FGL1: variants seen among roughly 807,000 people sequenced by gnomAD.
The protein encoded by FGL1 is fibrinogen-like protein 1.
FGL1 carries 59 observed loss-of-function variants against 43.7 expected under a neutral mutation model. That is an observed-to-expected ratio of 1.35 (90% confidence interval 1.10 to 1.68). The LOEUF is 1.68. Among genes scored for constraint, FGL1 ranks in the 40% most tolerant of loss-of-function variants. FGL1 has a pLI of 0.00. For synonymous variants in FGL1, 192 were observed against 126.5 expected (o/e 1.52, Z -3.48); for missense variants, 596 against 373.0 (o/e 1.60, Z -4.92).
chr8:17,871,381 C>A (rs2053357433), intron 5 of FGL1, among the ~76,000 whole-genome samples: 2 of 151,396 alleles, frequency 1.3e-5, no homozygotes, highest in African/African-American at 2.4e-5. Flanking sequence ...ATAATCCCAG[C>A]TACTCAGGAG....
At chr8:17,883,810 T>TTC (rs1360817495) in intron 2 of FGL1, among the ~76,000 whole-genome samples, 5,588 of 143,016 alleles carry the variant, frequency 0.039, 397 homozygotes, top group African/African-American at 0.14. Context: ...CCTTCCCCTT[T>TTC]CCCTTCCTCT....
In FGL1 at chr8:17,874,078, A is replaced by G; in HGVS notation, c.443T>C (p.Val148Ala). The change falls in exon 5 of 8, where the codon GTC (valine) becomes GCC (alanine). Residue 148 changes from valine (V) to alanine (A), a missense_variant. Val to Ala is a moderately conservative substitution (Grantham distance 64). Transcript: ENST00000427924. ...CAGCCAATATTCACCATGTTTTTGG[A>G]CAAAATTTCCAAAGCCATTTTCATA... ...KDYENGFGNF[V>A]QKHGEYWLGN... 6.2e-7 allele frequency: 1 copy of G among 1,611,684 alleles called. No homozygotes were observed. Among genetic ancestry groups the G allele is most frequent in the South Asian group, 1.1e-5 (1 of 90,452 alleles).
chr8:17,875,499 C>CTTTCT (rs1554564364), intron 3 of FGL1, among the ~76,000 whole-genome samples: 1 of 7,050 alleles, frequency 1.4e-4, no homozygotes, highest in Non-Finnish European at 6.1e-4. Context: ...TTCTTTCTTT[C>CTTTCT]TTTCTTTCTT....
At chr8:17,869,951 A>G (rs1446535159) in intron 5 of FGL1, among the ~76,000 whole-genome samples, 1 of 152,122 alleles carries the variant, frequency 6.6e-6, no homozygotes, top group African/African-American at 2.4e-5. Context: ...CTACTAAAAA[A>G]TACAAAAAAT....
chr8:17,891,806 C>G (rs1229926088), intron 1 of FGL1: 1 of 984,066 alleles, frequency 1.0e-6, no homozygotes, highest in East Asian at 1.1e-4. Context: ...TCCATCTTCA[C>G]CCTTCCAGCA....
rs200222496 is a variant in FGL1, at chr8:17,894,052, T to TA, written c.-18+1394dup. On this transcript the variant is annotated intron_variant, in intron 1 of 7. Coordinates refer to ENST00000427924, the MANE Select transcript of FGL1 (RefSeq NM_004467.4). ...ATTCTAATTCCTTCCCCACTATATT[T>TA]AAAAAAAATTTAATTAATTACGCTG... 3.7e-3 allele frequency among the ~76,000 whole-genome samples: 545 copies of TA among 146,358 alleles called. 95 individuals are homozygous for TA. The highest frequency in any genetic ancestry group is 0.014 in the African/African-American group (520 of 37,278).
chr8:17,871,614 T>C (rs1046968055), intron 5 of FGL1, among the ~76,000 whole-genome samples: 4 of 152,204 alleles, frequency 2.6e-5, no homozygotes, highest in Non-Finnish European at 4.4e-5. Context: ...CATTTCTAAA[T>C]CAATTTTATT....
intron 3 of FGL1, among the ~76,000 whole-genome samples, chr8:17,881,577 T>C (rs2053536078): frequency 1.3e-5 from 2 of 150,430 alleles, no homozygotes; most frequent in South Asian, 2.2e-4. Context: ...CTCACGCCTG[T>C]AATCCCAGCA....
chr8:17,868,866 C>T (rs775368303), intron 6 of FGL1, 50 bp downstream of exon 6: 3 of 1,481,898 alleles, frequency 2.0e-6, no homozygotes, highest in East Asian at 4.6e-5. Flanking sequence ...GGTTATATTG[C>T]ACATTTTAAG....
intron 3 of FGL1, among the ~76,000 whole-genome samples, chr8:17,877,670 G>A (rs1455745017): frequency 6.6e-6 from 1 of 151,974 alleles, no homozygotes; most frequent in African/African-American, 2.4e-5. Context: ...TATTTGTTGG[G>A]GTACATGTGA....
intron 1 of FGL1, among the ~76,000 whole-genome samples, chr8:17,888,066 C>G (rs2053654899): frequency 6.6e-6 from 1 of 151,078 alleles, no homozygotes; most frequent in South Asian, 2.1e-4. Context: ...AATCTTAGGC[C>G]CAGTAATAGA....
intron 1 of FGL1, among the ~76,000 whole-genome samples, chr8:17,891,037 T>C (rs2053697058): frequency 1.3e-5 from 2 of 152,188 alleles, no homozygotes; most frequent in Admixed American, 1.3e-4. Context: ...TTAGCACTTA[T>C]CACCAAATAT....
chr8:17,879,461 G>T (rs1006458433), intron 3 of FGL1, among the ~76,000 whole-genome samples: 3 of 152,080 alleles, frequency 2.0e-5, no homozygotes, highest in Non-Finnish European at 4.4e-5. Context: ...AGGCCTAGTG[G>T]GAGGCGATTG....
At position 17,864,528 on chromosome 8, in the gene FGL1, T is replaced by G; in HGVS notation, c.*64A>C. On this transcript the variant is annotated 3_prime_UTR_variant, in exon 8 of 8. Transcript: ENST00000427924. ...TGATTGCGCATGGATATGTTCAGAA[T>G]GAGTATTTTTCAAATCACTTTAAAC... The G allele has an allele frequency of 6.6e-7, 1 of 1,511,608 alleles. No individual in the cohort carries two copies. 93.6% of individuals were successfully genotyped at this position (1,511,608 alleles called of 1,614,324 possible).
At chr8:17,881,290 C>G (rs1379904958) in intron 3 of FGL1, among the ~76,000 whole-genome samples, 2 of 151,776 alleles carry the variant, frequency 1.3e-5, no homozygotes, top group African/African-American at 4.8e-5. Context: ...GCACCTGCCA[C>G]CACGCCCAGC....
intron 3 of FGL1, among the ~76,000 whole-genome samples, chr8:17,878,193 CCT>C (rs1456485422): frequency 6.6e-6 from 1 of 152,050 alleles, no homozygotes; most frequent in African/African-American, 2.4e-5. Flanking sequence ...CTCAAGTGTT[CCT>C]CCCACCTCGG....
intron 5 of FGL1, among the ~76,000 whole-genome samples, chr8:17,871,077 T>C (rs1295641303): frequency 2.0e-5 from 3 of 152,030 alleles, no homozygotes; most frequent in African/African-American, 7.2e-5. Flanking sequence ...CTTGGGCTTG[T>C]TGATTTAGCA....
intron 3 of FGL1, among the ~76,000 whole-genome samples, chr8:17,878,844 G>T (rs1187692886): frequency 6.6e-6 from 1 of 151,236 alleles, no homozygotes; most frequent in Non-Finnish European, 1.5e-5. Context: ...TCAATTTAAG[G>T]ACACCAAAAA....
chr8:17,891,914 T>C (rs767273051), intron 1 of FGL1: 2 of 337,836 alleles, frequency 5.9e-6, no homozygotes, highest in Non-Finnish European at 8.4e-6. Flanking sequence ...TATTTTGGTT[T>C]TAAAAGAGAC....
Sources: gnomAD v4.1 joint callset for allele counts (sites outside exome capture counted in the v4.1 genomes callset) on GRCh38, gnomAD v4.1.1 for gene constraint, MANE v1.5 for transcripts, NCBI Gene and HGNC (gene_info 2026-07-23, HGNC 2026-07-21) for gene names.